TBL1XR1: variants seen among roughly 807,000 people sequenced by gnomAD.
The protein encoded by TBL1XR1 is F-box-like/WD repeat-containing protein TBL1XR1.
A neutral mutation model predicts 66.9 loss-of-function variants in TBL1XR1; 5 were observed. That is an observed-to-expected ratio of 0.07 (90% CI 0.04 to 0.16). The LOEUF (loss-of-function observed/expected upper bound fraction) is 0.16, where lower values mean the gene tolerates loss of function less well. Among genes scored for constraint, TBL1XR1 ranks in the 10% least tolerant of loss-of-function variants. TBL1XR1 has a pLI of 1.00. For missense variants in TBL1XR1, 238 were observed against 623.2 expected (o/e 0.38, Z 6.58); for synonymous variants, 210 against 206.0 (o/e 1.02, Z -0.17).
intron 1 of TBL1XR1, among the ~76,000 whole-genome samples, chr3:177,151,371 C>A (rs372309905): frequency 2.6e-5 from 4 of 152,338 alleles, no homozygotes; most frequent in East Asian, 1.9e-4. Context: ...CAGCTGTGGG[C>A]ACCAGTCCAC....
intron 1 of TBL1XR1, among the ~76,000 whole-genome samples, chr3:177,177,840 C>T (rs1734338145): frequency 6.6e-6 from 1 of 152,094 alleles, no homozygotes; most frequent in Admixed American, 6.6e-5. Flanking sequence ...GAGCCCCTCC[C>T]TGTTCTCATG....
chr3:177,133,648 T>C (rs1728564908), intron 1 of TBL1XR1, among the ~76,000 whole-genome samples: 2 of 152,092 alleles, frequency 1.3e-5, no homozygotes, highest in Non-Finnish European at 2.9e-5. Context: ...ACACCTGTAA[T>C]GCCAACACTT....
At chr3:177,192,398 C>CAAA (rs759331999) in intron 1 of TBL1XR1, among the ~76,000 whole-genome samples, 1,074 of 83,464 alleles carry the variant, frequency 0.013, 16 homozygotes, top group African/African-American at 0.038. Flanking sequence ...GACTTTATCT[C>CAAA]AAAAAAAAAA....
chr3:177,104,640 G>A (rs903306475), intron 1 of TBL1XR1, among the ~76,000 whole-genome samples: 1 of 152,110 alleles, frequency 6.6e-6, no homozygotes. Context: ...TTACTTAAGC[G>A]ATTAGGGGAA....
At chr3:177,128,637 G>C (rs1394158391) in intron 1 of TBL1XR1, among the ~76,000 whole-genome samples, 1 of 152,186 alleles carries the variant, frequency 6.6e-6, no homozygotes, top group African/African-American at 2.4e-5. Context: ...TCCTCCGAAA[G>C]TGCTGGGATT....
chr3:177,112,721 C>T (rs1168070425), intron 1 of TBL1XR1, among the ~76,000 whole-genome samples: 4 of 152,014 alleles, frequency 2.6e-5, no homozygotes, highest in Non-Finnish European at 4.4e-5. Context: ...CCCTCAAAGA[C>T]CTGCTGGGTG....
At chr3:177,154,404 T>TC (rs1190695995) in intron 1 of TBL1XR1, among the ~76,000 whole-genome samples, 1 of 151,188 alleles carries the variant, frequency 6.6e-6, no homozygotes, top group Non-Finnish European at 1.5e-5. Flanking sequence ...TGACAAACTT[T>TC]TTTTTTTTTA....
intron 2 of TBL1XR1, among the ~76,000 whole-genome samples, chr3:177,073,841 C>T (rs1720350572): frequency 2.0e-5 from 3 of 152,140 alleles, no homozygotes; most frequent in Non-Finnish European, 1.5e-5. Context: ...GGATTCAGCA[C>T]GTTTTTGTTT....
intron 2 of TBL1XR1, among the ~76,000 whole-genome samples, chr3:177,076,134 T>A (rs893152501): frequency 1.3e-5 from 2 of 152,204 alleles, no homozygotes; most frequent in African/African-American, 4.8e-5. Context: ...TCATACTGTT[T>A]AAGGAGCCTG....
chr3:177,171,879 G>C (rs1733561098), intron 1 of TBL1XR1, among the ~76,000 whole-genome samples: 1 of 152,122 alleles, frequency 6.6e-6, no homozygotes, highest in Non-Finnish European at 1.5e-5. Context: ...AGAGCATGTT[G>C]AAAGGGCACA....
At chr3:177,081,743 C>A (rs1436162584) in intron 2 of TBL1XR1, among the ~76,000 whole-genome samples, 7 of 129,686 alleles carry the variant, frequency 5.4e-5, no homozygotes, top group Non-Finnish European at 6.5e-5. Flanking sequence ...ACCCTGACTT[C>A]AAAAAAAAAA....
intron 2 of TBL1XR1, among the ~76,000 whole-genome samples, chr3:177,079,294 G>A (rs1041991171): frequency 4.0e-5 from 6 of 149,294 alleles, no homozygotes; most frequent in Middle Eastern, 3.5e-3. Flanking sequence ...TTAGTTGGGC[G>A]TGGTGGCAGG....
At chr3:177,061,380 AAC>A (rs1300451629) in intron 3 of TBL1XR1, among the ~76,000 whole-genome samples, 1 of 152,268 alleles carries the variant, frequency 6.6e-6, no homozygotes, top group East Asian at 1.9e-4. Flanking sequence ...GCAGATAGAT[AAC>A]ACAGTCAACA....
intron 2 of TBL1XR1, among the ~76,000 whole-genome samples, chr3:177,088,263 C>T (rs912070810): frequency 6.6e-6 from 1 of 152,078 alleles, no homozygotes; most frequent in South Asian, 2.1e-4. Flanking sequence ...AGTGACATAA[C>T]GCCATGAGCA....
chr3:177,092,814 G>A (rs773502802), intron 2 of TBL1XR1, among the ~76,000 whole-genome samples: 4 of 152,038 alleles, frequency 2.6e-5, no homozygotes, highest in Non-Finnish European at 2.9e-5. Flanking sequence ...AAATCAAGAT[G>A]TCAAAGAGAT....
In TBL1XR1 at chr3:177,038,116, A is replaced by G; in HGVS notation, c.1104T>C (p.Ser368=). Residue 368 remains serine (S), a synonymous_variant, in exon 12 of 16, where the codon TCT becomes TCC. Coordinates refer to ENST00000457928, the MANE Select transcript of TBL1XR1 (RefSeq NM_024665.7). The part of the protein sequence containing the change: ...DPTGNLLASC[S]DDMTLKIWSM... ...AAATTACCTTTAAAGTCATGTCGTC[A>G]GAACAGGAGGCCAAGAGATTGCCAG... is the stretch of plus-strand genomic sequence containing the variant. The G allele has an allele frequency of 1.9e-6, 3 of 1,612,676 alleles. No individual in the cohort carries two copies. The highest frequency in any genetic ancestry group is 1.3e-5 in the African/African-American group (1 of 75,016).
At chr3:177,199,242 A>G (rs1362570562), upstream of TBL1XR1, among the ~76,000 whole-genome samples, 3 of 152,230 alleles carry the variant, frequency 2.0e-5, no homozygotes, top group Non-Finnish European at 2.9e-5. Flanking sequence ...CCAAAACACT[A>G]TGCAGAGTGT....
intron 10 of TBL1XR1, chr3:177,041,119 G>C (rs1474622871): frequency 6.6e-6 from 1 of 152,184 alleles, no homozygotes; most frequent in Non-Finnish European, 1.5e-5. Flanking sequence ...TTTTATTCTA[G>C]TCATGAAGCA....
chr3:177,025,473 G>C lies in TBL1XR1; in HGVS notation c.*25C>G. ...TTTGGCTATGTACACATTCATAGTC[G>C]GTCCATGGCTTCCAACTAGTAGCGC... On this transcript the variant is annotated 3_prime_UTR_variant, in exon 16 of 16. Coordinates refer to ENST00000457928, the MANE Select transcript of TBL1XR1 (RefSeq NM_024665.7). 1 of 1,611,564 alleles carries C rather than the reference G, an allele frequency of 6.2e-7. No individual in the cohort carries two copies. The highest frequency in any genetic ancestry group is 8.5e-7 in the Non-Finnish European group (1 of 1,179,206).
Sources: allele counts gnomAD v4.1 joint callset (sites outside exome capture counted in the v4.1 genomes callset), GRCh38; gene constraint gnomAD v4.1.1; transcripts MANE v1.5; gene names NCBI Gene and HGNC (gene_info 2026-07-23, HGNC 2026-07-21).